SLC4A5: variants seen among roughly 807,000 people sequenced by gnomAD.
The protein encoded by SLC4A5 is solute carrier family 4 member 5.
In SLC4A5, 96 loss-of-function variants were observed where a neutral mutation model predicts 120.4. That is an observed-to-expected ratio of 0.80 (90% confidence interval 0.68 to 0.94). The LOEUF (loss-of-function observed/expected upper bound fraction) is 0.94, where lower values mean the gene tolerates loss of function less well. Among genes scored for constraint, SLC4A5 ranks in the 40% least tolerant of loss-of-function variants. The probability of loss-of-function intolerance (pLI) is 0.00; values close to 1 mark genes in which losing one functional copy is unlikely to be tolerated. For synonymous variants in SLC4A5, 550 were observed against 571.1 expected (o/e 0.96, Z 0.53); for missense variants, 1,259 against 1,459.5 (o/e 0.86, Z 2.24).
At chr2:74,247,008 C>T (rs980047788) in intron 19 of SLC4A5, 28 bp downstream of exon 19, 2 of 1,608,842 alleles carry the variant, frequency 1.2e-6, no homozygotes, top group African/African-American at 2.7e-5. Flanking sequence ...AGGTGAGGGC[C>T]CACGGCATGT....
chr2:74,220,737 C>T (rs1389037779), intron 30 of SLC4A5, among the ~76,000 whole-genome samples: 2 of 150,598 alleles, frequency 1.3e-5, no homozygotes. Context: ...AGGATGGTCT[C>T]CATCTCCTGA....
chr2:74,234,989 A>C (rs1670223882), intron 22 of SLC4A5, 112 bp downstream of exon 22: 4 of 832,372 alleles, frequency 4.8e-6, no homozygotes, highest in Non-Finnish European at 7.6e-6. Flanking sequence ...ACAGAGAACT[A>C]AAATGGTCTC....
intron 5 of SLC4A5, among the ~76,000 whole-genome samples, chr2:74,325,854 A>AGGGAG (rs1350741971): frequency 9.0e-6 from 1 of 110,808 alleles, no homozygotes; most frequent in Non-Finnish European, 1.8e-5. Context: ...AAGGAAGGGA[A>AGGGAG]GGGAGGGGAG....
chr2:74,282,985 G>A (rs150226910), intron 8 of SLC4A5, among the ~76,000 whole-genome samples: 120 of 152,268 alleles, frequency 7.9e-4, no homozygotes, highest in African/African-American at 2.8e-3. Context: ...GGTGGGTCCT[G>A]GTCATTTGAA....
chr2:74,306,604 A>G (rs751833501), intron 6 of SLC4A5: 37 of 361,482 alleles, frequency 1.0e-4, no homozygotes, highest in Non-Finnish European at 1.6e-4. Flanking sequence ...AACTAGCAAT[A>G]TACATTTAAG....
At chr2:74,330,243 A>G (rs1290088803) in intron 4 of SLC4A5, among the ~76,000 whole-genome samples, 432 of 104,148 alleles carry the variant, frequency 4.1e-3, no homozygotes, top group Middle Eastern at 8.3e-3. Context: ...GTAGATGGTG[A>G]TGGTGATGTC....
chr2:74,326,950 C>A (rs1444685074), intron 5 of SLC4A5, among the ~76,000 whole-genome samples: 1 of 152,148 alleles, frequency 6.6e-6, no homozygotes, highest in African/African-American at 2.4e-5. Flanking sequence ...ATGTATGACA[C>A]GTTTTAGTCA....
At chr2:74,311,773 T>C (rs1337517450) in intron 6 of SLC4A5, among the ~76,000 whole-genome samples, 1 of 152,240 alleles carries the variant, frequency 6.6e-6, no homozygotes, top group Non-Finnish European at 1.5e-5. Context: ...GAATGTGCAT[T>C]CTGCTATTGT....
exon 31 of SLC4A5, chr2:74,216,463 T>C (rs1694447194): frequency 6.6e-6 from 1 of 152,298 alleles, no homozygotes; most frequent in South Asian, 2.1e-4. Context: ...ATCAAGCAGG[T>C]TTACTCTTGA....
chr2:74,286,697 T>C (rs997320008), intron 7 of SLC4A5, among the ~76,000 whole-genome samples: 16 of 152,142 alleles, frequency 1.1e-4, no homozygotes, highest in African/African-American at 3.9e-4. Context: ...ATTTCAATCA[T>C]AAGTTGTCTA....
intron 19 of SLC4A5, among the ~76,000 whole-genome samples, chr2:74,244,278 A>C (rs1670536663): frequency 6.6e-6 from 1 of 152,218 alleles, no homozygotes; most frequent in Non-Finnish European, 1.5e-5. Flanking sequence ...TCAATAGAGC[A>C]ATGGTTCTCA....
intron 6 of SLC4A5, among the ~76,000 whole-genome samples, chr2:74,313,496 A>G: frequency 6.6e-6 from 1 of 152,146 alleles, no homozygotes; most frequent in Non-Finnish European, 1.5e-5. Context: ...CTTGGATGTC[A>G]GTGTCCAAAT....
At chr2:74,298,369 G>A (rs371694797) in intron 7 of SLC4A5, among the ~76,000 whole-genome samples, 14 of 152,152 alleles carry the variant, frequency 9.2e-5, no homozygotes, top group South Asian at 4.1e-4. Context: ...GGATATCCAC[G>A]TGCAGAAGAA....
rs1694903633 is a variant in SLC4A5, at chr2:74,227,809, C to G, written c.2916+1G>C. ...GAAGGGATCTGGAGGGAAAGCCTTACCTGGATGCCATTCAGGGAGGCCACG... is the reference window on the plus strand; with the variant it reads ...GAAGGGATCTGGAGGGAAAGCCTTAGCTGGATGCCATTCAGGGAGGCCACG... On this transcript the variant is annotated splice_donor_variant, in intron 26 of 30. Transcript: ENST00000394019. LOFTEE classifies it high-confidence loss of function. 6.2e-7 allele frequency: 1 copy of G among 1,607,828 alleles called. No individual in the cohort carries two copies.
chr2:74,239,049 G>A (rs1318064786), intron 21 of SLC4A5, among the ~76,000 whole-genome samples: 1 of 152,148 alleles, frequency 6.6e-6, no homozygotes, highest in East Asian at 1.9e-4. Context: ...AATAAACACA[G>A]GAATAGCTGT....
intron 10 of SLC4A5, 100 bp from the exon 11 acceptor site, chr2:74,262,332 G>T: frequency 1.5e-5 from 10 of 676,112 alleles, no homozygotes; most frequent in Non-Finnish European, 2.2e-5. Flanking sequence ...TGGGTGGCAA[G>T]ACATGTCTCT....
intron 7 of SLC4A5, among the ~76,000 whole-genome samples, chr2:74,300,724 C>G (rs749494541): frequency 5.9e-5 from 9 of 152,174 alleles, no homozygotes; most frequent in Non-Finnish European, 1.3e-4. Context: ...GTTTGTGGGT[C>G]TGTCATCTCC....
chr2:74,307,455 T>A (rs1324244527), intron 6 of SLC4A5: 1 of 629,186 alleles, frequency 1.6e-6, no homozygotes, highest in African/African-American at 1.8e-5. Context: ...ATCAATGACC[T>A]TGTGGAGCCC....
chr2:74,266,866 G>A (rs1260484293), intron 8 of SLC4A5, among the ~76,000 whole-genome samples: 1 of 152,044 alleles, frequency 6.6e-6, no homozygotes, highest in Non-Finnish European at 1.5e-5. Flanking sequence ...CTTCTATATA[G>A]TAAAATAACA....
Sources: allele counts gnomAD v4.1 joint callset (sites outside exome capture counted in the v4.1 genomes callset), GRCh38; gene constraint gnomAD v4.1.1; transcripts MANE v1.5; gene names NCBI Gene and HGNC (gene_info 2026-07-23, HGNC 2026-07-21).